PHKB: variants seen among roughly 807,000 people sequenced by gnomAD.
PHKB encodes the protein phosphorylase b kinase regulatory subunit beta.
Under a neutral mutation model 152.1 loss-of-function variants are expected in PHKB, and 122 were observed. The observed-to-expected ratio is 0.80, with a 90% CI of 0.69 to 0.93. The LOEUF is 0.93. PHKB is among the 40% of genes least tolerant of loss of function. The pLI is 0.00. For missense variants in PHKB, 1,304 were observed against 1,328.4 expected, an observed-to-expected ratio of 0.98 and a Z score of 0.29; for synonymous variants, 436 against 464.9, an observed-to-expected ratio of 0.94 and a Z score of 0.80.
At chr16:47,644,050 A>T (rs1375309412) in intron 16 of PHKB, among the ~76,000 whole-genome samples, 1 of 152,154 alleles carries the variant, frequency 6.6e-6, no homozygotes, top group East Asian at 1.9e-4. Context: ...AAATTGTCAC[A>T]GACCTGCCAT....
At chr16:47,693,553 G>A (rs1021259984) in intron 28 of PHKB, 46 bp downstream of exon 28, 2 of 1,604,178 alleles carry the variant, frequency 1.2e-6, no homozygotes, top group Non-Finnish European at 1.7e-6. Flanking sequence ...CTTCGCAAAG[G>A]GTAGTGAATC....
At chr16:47,569,985 T>G (rs1342883439) in intron 7 of PHKB, among the ~76,000 whole-genome samples, 4 of 152,224 alleles carry the variant, frequency 2.6e-5, no homozygotes, top group African/African-American at 7.2e-5. Context: ...GGCCTACTGG[T>G]GACGGATTCC....
chr16:47,498,895 C>T, intron 2 of PHKB, among the ~76,000 whole-genome samples: 2 of 152,066 alleles, frequency 1.3e-5, no homozygotes, highest in South Asian at 4.2e-4. Context: ...AGAGTGAGAC[C>T]CTGTCTCAAA....
intron 7 of PHKB, among the ~76,000 whole-genome samples, chr16:47,577,472 T>C (rs558074206): frequency 6.6e-6 from 1 of 152,300 alleles, no homozygotes; most frequent in African/African-American, 2.4e-5. Flanking sequence ...TGTTCTGATA[T>C]ATGTTTTTTC....
Position 47,485,350 on chromosome 16 carries a change from A to G in PHKB, c.77-12049A>G, listed in dbSNP as rs143985972. Among the ~76,000 whole-genome samples the G allele has an allele frequency of 7.5e-3, 1,142 of 152,338 alleles. 19 individuals carry two copies. The highest frequency in any genetic ancestry group is 0.026 in the African/African-American group (1,082 of 41,570). ...GATGCTCACAGTGCTGAATCTATGT[A>G]TAGTATATTCAAATCTTTTTAACTA... On this transcript the variant is annotated intron_variant, in intron 1 of 30. Coordinates refer to ENST00000323584, the MANE Select transcript of PHKB (RefSeq NM_000293.3).
chr16:47,636,407 T>C (rs1972920553), intron 14 of PHKB, among the ~76,000 whole-genome samples: 1 of 152,072 alleles, frequency 6.6e-6, no homozygotes, highest in Non-Finnish European at 1.5e-5. Flanking sequence ...CCTACTGAGT[T>C]GGTGGGGCAG....
chr16:47,620,269 TAC>T (rs1972594216), intron 14 of PHKB, among the ~76,000 whole-genome samples: 1 of 152,126 alleles, frequency 6.6e-6, no homozygotes, highest in African/African-American at 2.4e-5. Flanking sequence ...TATTCAAGAG[TAC>T]AAATAGGAAA....
At chr16:47,569,193 G>A (rs990685609) in intron 7 of PHKB, among the ~76,000 whole-genome samples, 9 of 152,028 alleles carry the variant, frequency 5.9e-5, no homozygotes, top group African/African-American at 7.2e-5. Flanking sequence ...GATGACTATG[G>A]GTGCTCCAGT....
At position 47,660,824 on chromosome 16, in the gene PHKB, G is replaced by A; in HGVS notation, c.2196+5G>A. 6.2e-7 allele frequency: 1 copy of A among 1,613,822 alleles called. No individual in the cohort carries two copies. Among genetic ancestry groups the A allele is most frequent in the South Asian group, 1.1e-5 (1 of 91,072 alleles). On this transcript the variant is annotated splice_donor_5th_base_variant and intron_variant, in intron 22 of 30. Coordinates refer to ENST00000323584, the MANE Select transcript of PHKB (RefSeq NM_000293.3). ...GAAATTCTTCAAAAACTGAATGTGAGACAGATGCACTTCCCACATGGCCCT... is the reference window on the plus strand; with the variant it reads ...GAAATTCTTCAAAAACTGAATGTGAAACAGATGCACTTCCCACATGGCCCT...
At chr16:47,534,968 G>A (rs1970925794) in intron 6 of PHKB, among the ~76,000 whole-genome samples, 1 of 152,200 alleles carries the variant, frequency 6.6e-6, no homozygotes, top group Non-Finnish European at 1.5e-5. Flanking sequence ...AGAAATGACA[G>A]TGAAATACAA....
At chr16:47,673,182 A>G (rs904965138) in intron 26 of PHKB, among the ~76,000 whole-genome samples, 4 of 151,802 alleles carry the variant, frequency 2.6e-5, no homozygotes, top group Non-Finnish European at 4.4e-5. Flanking sequence ...CCTTCTGCTA[A>G]GGATAGGAAC....
intron 20 of PHKB, among the ~76,000 whole-genome samples, chr16:47,658,489 T>C (rs780890625): frequency 6.6e-6 from 1 of 152,066 alleles, no homozygotes; most frequent in Non-Finnish European, 1.5e-5. Flanking sequence ...TAATAATTAT[T>C]GTATACACAG....
At chr16:47,698,245 A>G (rs965560847) in intron 29 of PHKB, among the ~76,000 whole-genome samples, 3 of 152,234 alleles carry the variant, frequency 2.0e-5, no homozygotes, top group African/African-American at 7.2e-5. Context: ...TTCTAGGGAT[A>G]CACACAATGA....
chr16:47,637,086 A>C (rs910356103), intron 14 of PHKB, among the ~76,000 whole-genome samples: 1 of 152,120 alleles, frequency 6.6e-6, no homozygotes, highest in Non-Finnish European at 1.5e-5. Context: ...TCCTTGACTC[A>C]TTGGGATGAG....
chr16:47,599,711 G>A (rs994364103), intron 13 of PHKB, among the ~76,000 whole-genome samples: 4 of 152,282 alleles, frequency 2.6e-5, no homozygotes, highest in Admixed American at 1.3e-4. Flanking sequence ...AAAAGGCAGT[G>A]AGAACATGAA....
At chr16:47,552,491 A>T (rs1210750937) in intron 7 of PHKB, among the ~76,000 whole-genome samples, 2 of 152,166 alleles carry the variant, frequency 1.3e-5, no homozygotes, top group Admixed American at 1.3e-4. Flanking sequence ...TTGGCTGGAT[A>T]TGAAATTCTG....
chr16:47,507,566 C>T (rs1210921368), intron 4 of PHKB, among the ~76,000 whole-genome samples: 1 of 151,566 alleles, frequency 6.6e-6, no homozygotes, highest in Non-Finnish European at 1.5e-5. Context: ...CTATATTGCC[C>T]AAGCTGGTCT....
chr16:47,586,803 C>T lies in PHKB; in HGVS notation c.775-865C>T, dbSNP rs907689999. ...TCTATGTGATTTCAAATATTTAGCT[C>T]CCCAGTAAAGCTGTTGAATATGGAA... is the stretch of plus-strand genomic sequence containing the variant. On this transcript the variant is annotated intron_variant, in intron 8 of 30. Transcript: ENST00000323584. Among the ~76,000 whole-genome samples the T allele has an allele frequency of 3.3e-5, 5 of 152,116 alleles. 1 individual carries two copies. The highest frequency in any genetic ancestry group is 1.2e-4 in the African/African-American group (5 of 41,410).
At chr16:47,509,976 A>G (rs1970482391) in intron 4 of PHKB, among the ~76,000 whole-genome samples, 1 of 152,192 alleles carries the variant, frequency 6.6e-6, no homozygotes, top group Non-Finnish European at 1.5e-5. Flanking sequence ...TGACTTGGCT[A>G]TAATAATTCC....
Sources: gnomAD v4.1 joint callset for allele counts (sites outside exome capture counted in the v4.1 genomes callset) on GRCh38, gnomAD v4.1.1 for gene constraint, MANE v1.5 for transcripts, NCBI Gene and HGNC (gene_info 2026-07-23, HGNC 2026-07-21) for gene names.